HERC3: variants seen among roughly 807,000 people sequenced by gnomAD.
HERC3 encodes the protein probable E3 ubiquitin-protein ligase HERC3.
Under a neutral mutation model 129.9 loss-of-function variants are expected in HERC3, and 58 were observed. That is an observed-to-expected ratio of 0.45 (90% CI 0.36 to 0.56). The LOEUF is 0.56. Ranked by LOEUF, HERC3 falls within the 20% of genes least tolerant of loss-of-function variation. The pLI, the probability that HERC3 is intolerant of heterozygous loss-of-function variation, is 0.00. For synonymous variants in HERC3, 430 were observed against 451.0 expected, an observed-to-expected ratio of 0.95 and a Z score of 0.59; for missense variants, 835 against 1,244.2, an observed-to-expected ratio of 0.67 and a Z score of 4.95.
intron 3 of HERC3, among the ~76,000 whole-genome samples, chr4:88,631,173 C>T (rs1726703869): frequency 6.6e-6 from 1 of 152,176 alleles, no homozygotes; most frequent in Non-Finnish European, 1.5e-5. Flanking sequence ...AGGTACTACT[C>T]TGGGCCAGGC....
chr4:88,610,707 G>T (rs1724218539), intron 3 of HERC3, among the ~76,000 whole-genome samples: 1 of 152,162 alleles, frequency 6.6e-6, no homozygotes, highest in South Asian at 2.1e-4. Flanking sequence ...TGGAACTTGG[G>T]GGAGAGGATT....
chr4:88,588,448 T>C (rs1251804987), upstream of HERC3, among the ~76,000 whole-genome samples: 2 of 152,250 alleles, frequency 1.3e-5, no homozygotes, highest in African/African-American at 2.4e-5. Context: ...AGAAAGTAAG[T>C]ACTTCTTTTG....
At chr4:88,647,569 T>A (rs1203660654) in intron 3 of HERC3, among the ~76,000 whole-genome samples, 1 of 152,188 alleles carries the variant, frequency 6.6e-6, no homozygotes, top group Non-Finnish European at 1.5e-5. Context: ...GGTGCAAGGC[T>A]GAGTTGGGAA....
the HERC3 span, among the ~76,000 whole-genome samples, chr4:88,563,820 G>T: frequency 6.6e-6 from 1 of 151,918 alleles, no homozygotes; most frequent in East Asian, 1.9e-4. Context: ...CACCACGCCC[G>T]GCTAATTTTG....
chr4:88,652,778 G>A, intron 5 of HERC3, 91 bp from the exon 6 acceptor site: 2 of 1,347,186 alleles, frequency 1.5e-6, no homozygotes. Context: ...GGTGTTGGGG[G>A]GCAACTGGCA....
chr4:88,538,578 C>CT, the HERC3 span, among the ~76,000 whole-genome samples: 1 of 142,822 alleles, frequency 7.0e-6, no homozygotes, highest in African/African-American at 2.6e-5. Context: ...AAGTCTCGCT[C>CT]TGTCACCCAG....
chr4:88,546,555 G>A, the HERC3 span, among the ~76,000 whole-genome samples: 4 of 150,216 alleles, frequency 2.7e-5, no homozygotes, highest in Admixed American at 6.7e-5. Context: ...TGTCACCCAG[G>A]CTGGAGTGCA....
chr4:88,569,386 C>T, the HERC3 span, among the ~76,000 whole-genome samples: 1 of 152,198 alleles, frequency 6.6e-6, no homozygotes, highest in Non-Finnish European at 1.5e-5. Flanking sequence ...TTTCCTACCC[C>T]CTTAAGTGCC....
chr4:88,668,351 T>A (rs1024028098), intron 14 of HERC3, among the ~76,000 whole-genome samples: 1 of 152,166 alleles, frequency 6.6e-6, no homozygotes, highest in African/African-American at 2.4e-5. Flanking sequence ...AACTTGAAAC[T>A]ATTTTTTTCT....
chr4:88,681,343 G>C lies in HERC3; in HGVS notation c.2507+18G>C. On this transcript the variant is annotated intron_variant, in intron 21 of 25. Transcript: ENST00000402738. ...GAAGGAAGGTACAAAGCTAAAAGGC[G>C]ATTGGTATCTGAAACTGTTGTGGCT... 1 of 1,599,924 alleles carries C rather than the reference G, an allele frequency of 6.3e-7. No homozygotes were observed. Among genetic ancestry groups the C allele is most frequent in the Non-Finnish European group, 8.5e-7 (1 of 1,173,482 alleles).
At chr4:88,596,840 A>G (rs1199511553) in intron 2 of HERC3, among the ~76,000 whole-genome samples, 3 of 151,980 alleles carry the variant, frequency 2.0e-5, no homozygotes, top group African/African-American at 7.3e-5. Context: ...TGTGTTTGTG[A>G]TTTGCTTTTC....
chr4:88,602,643 G>A (rs750057849), intron 2 of HERC3, among the ~76,000 whole-genome samples: 6 of 151,888 alleles, frequency 4.0e-5, no homozygotes, highest in Non-Finnish European at 8.8e-5. Flanking sequence ...ACACTTGGCT[G>A]ATTTTATTTT....
At chr4:88,589,175 G>A (rs191895878), upstream of HERC3, among the ~76,000 whole-genome samples, 14 of 152,086 alleles carry the variant, frequency 9.2e-5, no homozygotes, top group Admixed American at 6.5e-4. Context: ...ATGCAACCTC[G>A]AATTCCTATG....
intron 23 of HERC3, among the ~76,000 whole-genome samples, chr4:88,698,951 C>T (rs1734997292): frequency 8.1e-6 from 1 of 122,908 alleles, no homozygotes; most frequent in South Asian, 3.1e-4. Flanking sequence ...TTCTTCCTCA[C>T]CCACTGCCTT....
chr4:88,630,066 T>C (rs57217926), intron 3 of HERC3, among the ~76,000 whole-genome samples: 7,009 of 152,222 alleles, frequency 0.046, 210 homozygotes, highest in Middle Eastern at 0.12. Flanking sequence ...GTGGTGAAAA[T>C]TGGGAGGGGT....
chr4:88,693,419 A>T, intron 23 of HERC3: 1 of 973,072 alleles, frequency 1.0e-6, no homozygotes, highest in Non-Finnish European at 1.2e-6. Context: ...AGTCCTTAGA[A>T]ACATGGTGTG....
At chr4:88,578,681 G>A in the HERC3 span, among the ~76,000 whole-genome samples, 1 of 152,056 alleles carries the variant, frequency 6.6e-6, no homozygotes, top group African/African-American at 2.4e-5. Context: ...AGAAAAAGGA[G>A]GAGGAGGTAA....
chr4:88,536,896 C>T, the HERC3 span, among the ~76,000 whole-genome samples: 1 of 152,008 alleles, frequency 6.6e-6, no homozygotes, highest in South Asian at 2.1e-4. Flanking sequence ...TTATTTTCTG[C>T]CTGGGATTAT....
chr4:88,549,528 T>C, the HERC3 span, among the ~76,000 whole-genome samples: 1 of 152,132 alleles, frequency 6.6e-6, no homozygotes, highest in Non-Finnish European at 1.5e-5. Flanking sequence ...TGTGAACTCA[T>C]TGTTTTTTTC....
Sources: allele counts gnomAD v4.1 joint callset (sites outside exome capture counted in the v4.1 genomes callset), GRCh38; gene constraint gnomAD v4.1.1; transcripts MANE v1.5; gene names NCBI Gene and HGNC (gene_info 2026-07-23, HGNC 2026-07-21).